Variants in ZNF100 observed in about 807,000 individuals in gnomAD.
The protein encoded by ZNF100 is zinc finger protein 100 (Y1).
ZNF100 carries 12 observed loss-of-function variants against 15.8 expected under a neutral mutation model. That is an observed-to-expected ratio of 0.76 (90% CI 0.49 to 1.23). ZNF100 has a LOEUF of 1.23. ZNF100 is among the 50% of genes most tolerant of loss of function. The pLI is 0.00. For missense variants in ZNF100, 670 were observed against 635.6 expected (o/e 1.05, Z -0.58); for synonymous variants, 226 against 214.8 (o/e 1.05, Z -0.45).
rs2035729613 is a variant in ZNF100, at chr19:21,724,103, G to A, written c.*2580C>T. ...TACAAAATAATTAGGGGTCTATCAT[G>A]AGTACCAGGCAAGTATAAACAGAAT... On this transcript the variant is annotated 3_prime_UTR_variant, in exon 5 of 5. Transcript: ENST00000358296. The A allele has an allele frequency of 6.6e-6, 1 of 152,108 alleles. No individual in the cohort carries two copies. The allele number at this position is 152,108 out of a possible 1,614,324, so 9.4% of individuals were successfully genotyped here.
At position 21,725,453 on chromosome 19, in the gene ZNF100, A is replaced by T. The variant is rs1038147408; in HGVS notation, c.*1230T>A. 1 of 152,152 alleles carries T rather than the reference A, an allele frequency of 6.6e-6. No homozygotes were observed. The highest frequency in any genetic ancestry group is 2.4e-5 in the African/African-American group (1 of 41,424). 9.4% of individuals were successfully genotyped at this position (152,152 alleles called of 1,614,324 possible). ...CCTAACGCACACATTGCTTAATATT[A>T]TAAGTTAACCATAAAAGTCTCTTCA... On this transcript the variant is annotated 3_prime_UTR_variant, in exon 5 of 5. Transcript: ENST00000358296.
At chr19:21,731,471 G>T (rs2035919259) in intron 4 of ZNF100, among the ~76,000 whole-genome samples, 1 of 151,788 alleles carries the variant, frequency 6.6e-6, no homozygotes, top group African/African-American at 2.4e-5. Context: ...ACCATGCCTG[G>T]CTAATTTTTG....
Position 21,724,109 on chromosome 19 carries a change from C to T in ZNF100, c.*2574G>A, listed in dbSNP as rs560144208. On this transcript the variant is annotated 3_prime_UTR_variant, in exon 5 of 5. Transcript: ENST00000358296. The stretch of plus-strand genomic sequence containing the variant: ...ATAATTAGGGGTCTATCATGAGTAC[C>T]AGGCAAGTATAAACAGAATTTTCAT... 2.6e-5 allele frequency: 4 copies of T among 152,114 alleles called. No individual in the cohort carries two copies. In the East Asian group the frequency reaches 7.7e-4, roughly 29 times the overall value. The allele number at this position is 152,114 out of a possible 1,614,324, so 9.4% of individuals were successfully genotyped here.
At chr19:21,756,765 A>G (rs4809176) in intron 2 of ZNF100, among the ~76,000 whole-genome samples, 152,059 of 152,350 alleles carry the variant, frequency 1, 75,885 homozygotes, top group East Asian at 1. Flanking sequence ...GAACTAAAAT[A>G]AGCCTGAATA....
At chr19:21,737,432 G>A (rs897200845) in intron 4 of ZNF100, among the ~76,000 whole-genome samples, 1 of 151,804 alleles carries the variant, frequency 6.6e-6, no homozygotes, top group Non-Finnish European at 1.5e-5. Context: ...CTACTCAGGC[G>A]GCCGAGGCAG....
chr19:21,738,764 T>C (rs964118030), intron 4 of ZNF100, among the ~76,000 whole-genome samples: 1 of 152,044 alleles, frequency 6.6e-6, no homozygotes, highest in African/African-American at 2.4e-5. Context: ...ACCAACATGG[T>C]GAAATCCCAT....
At chr19:21,764,471 G>GCCT (rs2036529532) in intron 2 of ZNF100, among the ~76,000 whole-genome samples, 1 of 151,830 alleles carries the variant, frequency 6.6e-6, no homozygotes, top group Non-Finnish European at 1.5e-5. Context: ...GTGAAACCCC[G>GCCT]CCTCTACTAA....
chr19:21,751,335 T>G (rs2036303620), intron 2 of ZNF100: 1 of 861,534 alleles, frequency 1.2e-6, no homozygotes, highest in East Asian at 2.4e-5. Flanking sequence ...CTGGATATTT[T>G]TGATGAGAGA....
chr19:21,744,517 C>T (rs1456306656), intron 3 of ZNF100, among the ~76,000 whole-genome samples: 14 of 152,020 alleles, frequency 9.2e-5, no homozygotes, highest in African/African-American at 3.1e-4. Flanking sequence ...GGACTACAGG[C>T]GCCTGCCACC....
intron 4 of ZNF100, among the ~76,000 whole-genome samples, chr19:21,729,323 A>T (rs2035871375): frequency 6.6e-6 from 1 of 152,096 alleles, no homozygotes; most frequent in Non-Finnish European, 1.5e-5. Context: ...AGTATATTGG[A>T]ACTCCATAAA....
chr19:21,736,083 C>T (rs111257091), intron 4 of ZNF100, among the ~76,000 whole-genome samples: 7,736 of 149,462 alleles, frequency 0.052, 208 homozygotes, highest in African/African-American at 0.078. Flanking sequence ...CCACCATGCC[C>T]GGCCTTATTG....
rs768043951 is a variant in ZNF100, at chr19:21,726,918, G to C, written c.1394C>G (p.Ala465Gly). 10 of 1,610,496 alleles carry C rather than the reference G, an allele frequency of 6.2e-6. No homozygotes were observed. The Middle Eastern group carries it at 5.0e-4, about 80-fold the overall frequency. ...AGTTAGTTGTGAGGACCGGTTAAAG[G>C]CTTTGCCACATTCGTCACATTTGTA... ...KPYKCDECGK[A>G]FNRSSQLTAH... is the part of the protein sequence containing the mutation. The change falls in exon 5 of 5, where the codon GCC becomes GGC. Residue 465 changes from alanine (A) to glycine (G), a missense_variant. Transcript: ENST00000358296.
At chr19:21,767,249 G>A (rs993360656) in intron 1 of ZNF100, among the ~76,000 whole-genome samples, 178 bp downstream of exon 1, 1 of 152,192 alleles carries the variant, frequency 6.6e-6, no homozygotes, top group Non-Finnish European at 1.5e-5. Flanking sequence ...AGGACGCCTG[G>A]GGTCCTGGCT....
chr19:21,731,187 T>C (rs1215206226), intron 4 of ZNF100, among the ~76,000 whole-genome samples: 6 of 152,156 alleles, frequency 3.9e-5, no homozygotes, highest in Non-Finnish European at 8.8e-5. Context: ...TAAAATAGAA[T>C]GCCACATCTA....
intron 2 of ZNF100, chr19:21,753,328 C>T (rs965615542): frequency 1.3e-5 from 2 of 152,158 alleles, no homozygotes; most frequent in Admixed American, 1.3e-4. Flanking sequence ...AATCTCAGTA[C>T]TTTGGGAGGC....
chr19:21,737,079 AC>A (rs1287780501), intron 4 of ZNF100, among the ~76,000 whole-genome samples: 1 of 151,398 alleles, frequency 6.6e-6, no homozygotes, highest in Non-Finnish European at 1.5e-5. Context: ...CACAAAAAAA[AC>A]CCTTCAAAAA....
At chr19:21,764,601 T>C (rs1484758432) in intron 2 of ZNF100, among the ~76,000 whole-genome samples, 3 of 151,264 alleles carry the variant, frequency 2.0e-5, no homozygotes, top group Non-Finnish European at 4.4e-5. Flanking sequence ...GATGGTGCCA[T>C]TGCCCTCCAG....
At chr19:21,751,265 CA>C in intron 2 of ZNF100, 1 of 1,126,418 alleles carries the variant, frequency 8.9e-7, no homozygotes, top group African/African-American at 1.5e-5. Flanking sequence ...CTTAGAACCA[CA>C]GTAAAATGTG....
Position 21,738,273 on chromosome 19 carries a change from A to C in ZNF100, c.322+5744T>G, listed in dbSNP as rs367873547. Among the ~76,000 whole-genome samples the C allele has an allele frequency of 8.2e-5, 12 of 146,018 alleles. No homozygotes were observed. The South Asian group carries it at 2.1e-3, about 26-fold the overall frequency. On this transcript the variant is annotated intron_variant, in intron 4 of 4. Transcript: ENST00000358296. ...CAAAAAAAAAAAAAAAAAAAAAAAA[A>C]AAAAAAAAAAAAAAAAACTGATGGA...
Sources: allele counts gnomAD v4.1 joint callset (sites outside exome capture counted in the v4.1 genomes callset), GRCh38; gene constraint gnomAD v4.1.1; transcripts MANE v1.5; gene names NCBI Gene and HGNC (gene_info 2026-07-23, HGNC 2026-07-21).